CNIH3: variants seen among roughly 807,000 people sequenced by gnomAD.
CNIH3 encodes the protein cornichon family AMPA receptor auxiliary protein 3.
Under a neutral mutation model 24.1 loss-of-function variants are expected in CNIH3, and 14 were observed. The ratio of observed to expected loss-of-function variants is 0.58; its 90% CI spans 0.38 to 0.91. CNIH3 has a LOEUF of 0.91. Ranked by LOEUF, CNIH3 falls within the 40% of genes least tolerant of loss-of-function variation. The pLI is 0.00. For synonymous variants in CNIH3, 68 were observed against 73.8 expected, an observed-to-expected ratio of 0.92 and a Z score of 0.40; for missense variants, 178 against 196.8, an observed-to-expected ratio of 0.90 and a Z score of 0.57.
intron 1 of CNIH3, among the ~76,000 whole-genome samples, chr1:224,655,444 T>G (rs1280252655): frequency 1.3e-5 from 2 of 152,014 alleles, no homozygotes; most frequent in African/African-American, 4.8e-5. Context: ...TGAGCGCAGT[T>G]AACTTTTGGG....
At chr1:224,648,331 A>G (rs1043932734) in intron 1 of CNIH3, among the ~76,000 whole-genome samples, 2 of 151,804 alleles carry the variant, frequency 1.3e-5, no homozygotes, top group African/African-American at 2.4e-5. Context: ...GAATCGCTCA[A>G]ACCCAGGAGG....
At chr1:224,629,565 C>T (rs1445458742) in intron 1 of CNIH3, among the ~76,000 whole-genome samples, 1 of 152,146 alleles carries the variant, frequency 6.6e-6, no homozygotes, top group Non-Finnish European at 1.5e-5. Flanking sequence ...TGGGTTGCTT[C>T]CACCTTTTGG....
upstream of CNIH3, among the ~76,000 whole-genome samples, chr1:224,512,243 A>G (rs1678184822): frequency 6.6e-6 from 1 of 150,972 alleles, no homozygotes; most frequent in Non-Finnish European, 1.5e-5. Flanking sequence ...TAGCACTTTG[A>G]GAGGCCAAGG....
Position 224,739,508 on chromosome 1 carries a change from G to T in CNIH3, c.*152G>T, listed in dbSNP as rs1413680588. On this transcript the variant is annotated 3_prime_UTR_variant, in exon 6 of 6. Transcript: ENST00000272133. ...CAGACTGAATGGGAGCTGGAATCACGCAGCAGCTGGGAGCCGAGTTAACCC... is the reference window on the plus strand; with the variant it reads ...CAGACTGAATGGGAGCTGGAATCACTCAGCAGCTGGGAGCCGAGTTAACCC... 16 of 1,423,772 alleles carry T rather than the reference G, an allele frequency of 1.1e-5. No individual in the cohort carries two copies. Among genetic ancestry groups the T allele is most frequent in the African/African-American group, 1.4e-5 (1 of 69,356 alleles). 88.2% of individuals were successfully genotyped at this position (1,423,772 alleles called of 1,614,324 possible).
intron 1 of CNIH3, among the ~76,000 whole-genome samples, chr1:224,520,395 G>A (rs1257539801): frequency 6.6e-6 from 1 of 152,164 alleles, no homozygotes; most frequent in East Asian, 1.9e-4. Flanking sequence ...CCATTCTTTG[G>A]AATCTGTGCT....
At chr1:224,651,937 C>G (rs1054660200) in intron 1 of CNIH3, among the ~76,000 whole-genome samples, 4 of 152,146 alleles carry the variant, frequency 2.6e-5, no homozygotes, top group Admixed American at 6.5e-5. Context: ...TTTCACCAGC[C>G]ATGGGTGGGG....
At chr1:224,689,037 C>T (rs973670808) in intron 3 of CNIH3, among the ~76,000 whole-genome samples, 13 of 152,110 alleles carry the variant, frequency 8.5e-5, no homozygotes, top group Non-Finnish European at 1.9e-4. Flanking sequence ...GATTTTCTTC[C>T]ATAATGCTTA....
chr1:224,580,834 G>A (rs1240404546), intron 4 of CNIH3, among the ~76,000 whole-genome samples: 1 of 151,920 alleles, frequency 6.6e-6, no homozygotes, highest in African/African-American at 2.4e-5. Context: ...GAGGGGTAGA[G>A]GGAACAGTTA....
At chr1:224,466,324 C>T (rs1265873528) in intron 1 of CNIH3, among the ~76,000 whole-genome samples, 1 of 152,188 alleles carries the variant, frequency 6.6e-6, no homozygotes, top group African/African-American at 2.4e-5. Flanking sequence ...TATTCAAATA[C>T]ATTACGTAAA....
chr1:224,592,115 G>A (rs1414422095), downstream of CNIH3, among the ~76,000 whole-genome samples: 1 of 151,954 alleles, frequency 6.6e-6, no homozygotes, highest in African/African-American at 2.4e-5. Flanking sequence ...GTCTGTATGT[G>A]TGTATGTGTG....
At chr1:224,632,856 T>C (rs747572344) in intron 1 of CNIH3, among the ~76,000 whole-genome samples, 89 of 152,140 alleles carry the variant, frequency 5.8e-4, no homozygotes, top group Non-Finnish European at 1.2e-3. Context: ...TGGTTGGCAG[T>C]TTTAGTACCA....
intron 1 of CNIH3, among the ~76,000 whole-genome samples, chr1:224,643,228 G>A (rs1684444493): frequency 6.6e-6 from 1 of 152,188 alleles, no homozygotes; most frequent in Non-Finnish European, 1.5e-5. Flanking sequence ...GAAATAAAAC[G>A]AGGCCTGCTC....
intron 1 of CNIH3, among the ~76,000 whole-genome samples, chr1:224,472,330 C>CA (rs1255305692): frequency 1.3e-5 from 2 of 152,166 alleles, no homozygotes; most frequent in African/African-American, 4.8e-5. Flanking sequence ...GATACTTGCA[C>CA]ATGCATGTTT....
intron 3 of CNIH3, among the ~76,000 whole-genome samples, chr1:224,606,364 G>C (rs1303721955): frequency 6.6e-6 from 1 of 152,154 alleles, no homozygotes; most frequent in Non-Finnish European, 1.5e-5. Flanking sequence ...GGTGGAAGTG[G>C]CTCTTAGTGG....
At position 224,587,129 on chromosome 1, in the gene CNIH3, C is replaced by A. The variant is rs528375910; in HGVS notation, n.621-1232C>A. 9 of 152,272 alleles carry A rather than the reference C, an allele frequency of 5.9e-5. No homozygotes were observed. In the East Asian group the frequency reaches 1.5e-3, roughly 26 times the overall value. The allele number at this position is 152,272 out of a possible 1,614,324, so 9.4% of individuals were successfully genotyped here. ...GGGTCATGTGCCTGGTTGCCTATACCCACGTGTTCTGCCTGTGGGATTCAC... is the reference window on the plus strand; with the variant it reads ...GGGTCATGTGCCTGGTTGCCTATACACACGTGTTCTGCCTGTGGGATTCAC... On this transcript the variant is annotated intron_variant and non_coding_transcript_variant, in intron 5 of 5. Coordinates refer to the CNIH3 transcript ENST00000471578.
chr1:224,605,776 C>T (rs1407278923), intron 3 of CNIH3, among the ~76,000 whole-genome samples: 1 of 152,110 alleles, frequency 6.6e-6, no homozygotes, highest in African/African-American at 2.4e-5. Flanking sequence ...GATCGCCTCC[C>T]CTACTAATCA....
intron 1 of CNIH3, among the ~76,000 whole-genome samples, chr1:224,466,910 C>T (rs1172358539): frequency 6.6e-6 from 1 of 152,180 alleles, no homozygotes; most frequent in East Asian, 1.9e-4. Context: ...TTTTAGTACA[C>T]TTGCTAATTA....
downstream of CNIH3, among the ~76,000 whole-genome samples, chr1:224,588,968 G>GTTTTTTTTTTTTTTTTTTTTTTTTTTT (rs974335950): frequency 8.9e-6 from 1 of 112,346 alleles, no homozygotes. Context: ...CTGACCCCCT[G>GTTTTTTTTTTTTTTTTTTTTTTTTTTT]TTTTTTTTTT....
chr1:224,562,184 C>T (rs1026291643), intron 3 of CNIH3, among the ~76,000 whole-genome samples: 14 of 152,218 alleles, frequency 9.2e-5, no homozygotes, highest in African/African-American at 3.4e-4. Context: ...TATACATCAT[C>T]TCATTTACTC....
Sources: allele counts gnomAD v4.1 joint callset (sites outside exome capture counted in the v4.1 genomes callset), GRCh38; gene constraint gnomAD v4.1.1; transcripts MANE v1.5; gene names NCBI Gene and HGNC (gene_info 2026-07-23, HGNC 2026-07-21).